Variants in SUMO2 observed in about 807,000 individuals in gnomAD.
SUMO2 encodes the protein small ubiquitin like modifier 2, also known as small ubiquitin-related modifier 2.
A neutral mutation model predicts 16.0 loss-of-function variants in SUMO2; 1 was observed. The observed-to-expected ratio is 0.06, with a 90% CI of 0.02 to 0.30. The LOEUF is 0.30. SUMO2 is among the 10% of genes least tolerant of loss of function. The pLI is 1.00. For synonymous variants in SUMO2, 36 were observed against 40.6 expected, an observed-to-expected ratio of 0.89 and a Z score of 0.43; for missense variants, 16 against 117.5, an observed-to-expected ratio of 0.14 and a Z score of 3.99.
chr17:75,175,565 C>T (rs573970929), intron 2 of SUMO2, among the ~76,000 whole-genome samples: 1 of 151,622 alleles, frequency 6.6e-6, no homozygotes, highest in South Asian at 2.1e-4. Context: ...GATGATCTGA[C>T]CACCTCAGCC....
intron 3 of SUMO2, among the ~76,000 whole-genome samples, chr17:75,171,696 G>A (rs771451671): frequency 6.6e-6 from 1 of 152,022 alleles, no homozygotes; most frequent in Non-Finnish European, 1.5e-5. Context: ...AATGCCTCAA[G>A]GTCACGGATC....
chr17:75,172,968 A>G (rs2074753675), intron 3 of SUMO2, among the ~76,000 whole-genome samples: 5 of 152,152 alleles, frequency 3.3e-5, no homozygotes, highest in Admixed American at 2.0e-4. Flanking sequence ...TCTTCAAAAT[A>G]TTCTTCTTTT....
In SUMO2 at chr17:75,167,642, C is replaced by T. The variant is rs2074702900; in HGVS notation, c.*697G>A. On this transcript the variant is annotated 3_prime_UTR_variant, in exon 4 of 4. Coordinates refer to ENST00000420826, the MANE Select transcript of SUMO2 (RefSeq NM_006937.4). ...AAACACCAAGTAGCTTTATTTCCTT[C>T]TTGAAATGTTACTTCTAAGCAGGCC... 1 of 152,340 alleles carries T rather than the reference C, an allele frequency of 6.6e-6. No homozygotes were observed. The highest frequency in any genetic ancestry group is 2.4e-5 in the African/African-American group (1 of 41,436). 9.4% of individuals were successfully genotyped at this position (152,340 alleles called of 1,614,324 possible). A position where few individuals can be genotyped will look rare whatever the true frequency, so the allele number is the denominator to read the frequency against.
rs140644374 is a variant in SUMO2 at position 75,172,325 on chromosome 17, C to CTTCTTT, written c.225+2426_225+2427insAAAGAA. On this transcript the variant is annotated intron_variant, in intron 3 of 3. Transcript: ENST00000420826. The stretch of plus-strand genomic sequence containing the variant: ...ACAGTCGTGAGCTACTGTACCCAGA[C>CTTCTTT]TTTTTTTTTTTTTTTTTTGAGACAG... Among the ~76,000 whole-genome samples, 67 of 109,386 alleles carry CTTCTTT rather than the reference C, an allele frequency of 6.1e-4. 3 individuals are homozygous for CTTCTTT. The highest frequency in any genetic ancestry group is 1.3e-3 in the African/African-American group (34 of 26,508). The allele number at this position is 109,386 out of a possible 152,430, so 71.8% of individuals were successfully genotyped here. A position where few individuals can be genotyped will look rare whatever the true frequency, so the allele number is the denominator to read the frequency against.
chr17:75,180,993 C>T, intron 2 of SUMO2, 64 bp downstream of exon 2: 1 of 1,591,950 alleles, frequency 6.3e-7, no homozygotes, highest in Non-Finnish European at 8.6e-7. Flanking sequence ...AGTTTTTGTT[C>T]CCATGAAAAT....
rs754920378 is a variant in SUMO2, at chr17:75,182,799, C to G, written c.21+15G>C. 172 of 1,377,708 alleles carry G rather than the reference C, an allele frequency of 1.2e-4. No individual in the cohort carries two copies. The highest frequency in any genetic ancestry group is 1.6e-4 in the Non-Finnish European group (165 of 1,057,882). The allele number at this position is 1,377,708 out of a possible 1,614,324, so 85.3% of individuals were successfully genotyped here. A position where few individuals can be genotyped will look rare whatever the true frequency, so the allele number is the denominator to read the frequency against. On this transcript the variant is annotated intron_variant, in intron 1 of 3. Coordinates refer to ENST00000420826, the MANE Select transcript of SUMO2 (RefSeq NM_006937.4). ...CCACCGCGCGGCGAGGCGAAGGGGC[C>G]GGCGGCGAGCTCACCTTGGGCTTTT... is the stretch of plus-strand genomic sequence containing the variant.
At chr17:75,169,230 T>C (rs1230523056) in intron 3 of SUMO2, among the ~76,000 whole-genome samples, 1 of 151,738 alleles carries the variant, frequency 6.6e-6, no homozygotes, top group Non-Finnish European at 1.5e-5. Context: ...AAAGATCCTG[T>C]ATCAAAAAAA....
At chr17:75,181,296 T>C in intron 1 of SUMO2, 108 bp from the exon 2 acceptor site, 1 of 1,193,774 alleles carries the variant, frequency 8.4e-7, no homozygotes, top group Non-Finnish European at 1.2e-6. Context: ...TTTCTCATAC[T>C]GTATGCTAAA....
intron 3 of SUMO2, among the ~76,000 whole-genome samples, chr17:75,170,555 C>A (rs2145216676): frequency 6.7e-6 from 1 of 148,370 alleles, no homozygotes; most frequent in South Asian, 2.2e-4. Flanking sequence ...GGCAACAGAG[C>A]AAGACTCTGT....
At position 75,169,869 on chromosome 17, in the gene SUMO2, G is replaced by T. The variant is rs568851677; in HGVS notation, c.226-1468C>A. Reference sequence around the variant, plus strand: ...GTCTCAAAAAAAAAAAAAAAGGTGGGGGGGGGCGGGTGTGGCAGCTCACAC... The same window carrying T: ...GTCTCAAAAAAAAAAAAAAAGGTGGTGGGGGGCGGGTGTGGCAGCTCACAC... On this transcript the variant is annotated intron_variant, in intron 3 of 3. Coordinates refer to ENST00000420826, the MANE Select transcript of SUMO2 (RefSeq NM_006937.4). Among the ~76,000 whole-genome samples, 20 of 149,026 alleles carry T rather than the reference G, an allele frequency of 1.3e-4. 1 individual carries two copies. In the South Asian group the frequency reaches 4.1e-3, roughly 31 times the overall value.
intron 1 of SUMO2, chr17:75,182,381 C>A (rs2074835839): frequency 6.5e-6 from 1 of 154,352 alleles, no homozygotes; most frequent in African/African-American, 2.4e-5. Context: ...GCGGTTCCTA[C>A]CCGAGAGGTG....
In SUMO2 at chr17:75,180,392, TAAAAAA is replaced by T. The variant is rs58684188; in HGVS notation, c.153+659_153+664del. ...AAGAAATAGAGTGAGACTCCCAGCT[TAAAAAA>T]AAAAAAAAAAAAAAAAAAAAAAACG... On this transcript the variant is annotated intron_variant, in intron 2 of 3. Coordinates refer to ENST00000420826, the MANE Select transcript of SUMO2 (RefSeq NM_006937.4). Among the ~76,000 whole-genome samples the T allele has an allele frequency of 2.4e-3, 107 of 44,868 alleles. 1 individual carries two copies. Among genetic ancestry groups the T allele is most frequent in the African/African-American group, 5.2e-3 (64 of 12,218 alleles). The allele number at this position is 44,868 out of a possible 152,430, so 29.4% of individuals were successfully genotyped here.
chr17:75,181,016 AAT>A, intron 2 of SUMO2, 39 bp downstream of exon 2: 1 of 1,606,052 alleles, frequency 6.2e-7, no homozygotes, highest in Non-Finnish European at 8.5e-7. Flanking sequence ...GATTTTTAAA[AAT>A]AGTTTTATTC....
chr17:75,176,775 A>C (rs552620888), intron 2 of SUMO2, among the ~76,000 whole-genome samples: 46 of 152,264 alleles, frequency 3.0e-4, no homozygotes, highest in Middle Eastern at 3.4e-3. Context: ...ACTTCAGGAG[A>C]TATAGGAACC....
At chr17:75,181,281 A>G in intron 1 of SUMO2, 93 bp from the exon 2 acceptor site, 1 of 1,347,178 alleles carries the variant, frequency 7.4e-7, no homozygotes, top group Non-Finnish European at 1.0e-6. Context: ...TCAAAAATCA[A>G]CAGGTTTCTC....
chr17:75,179,958 T>C (rs2074814142), intron 2 of SUMO2, among the ~76,000 whole-genome samples: 1 of 152,192 alleles, frequency 6.6e-6, no homozygotes, highest in Non-Finnish European at 1.5e-5. Context: ...AGGAAGTTTT[T>C]ATCTTCACTG....
At chr17:75,168,486 T>C (rs2074710344) in intron 3 of SUMO2, 85 bp from the exon 4 acceptor site, 1 of 1,170,294 alleles carries the variant, frequency 8.5e-7, no homozygotes, top group South Asian at 1.4e-5. Context: ...GCTGAAAACA[T>C]GTACATGTTC....
At chr17:75,170,493 C>T (rs986878672) in intron 3 of SUMO2, among the ~76,000 whole-genome samples, 2 of 152,084 alleles carry the variant, frequency 1.3e-5, no homozygotes, top group African/African-American at 4.8e-5. Context: ...TCACTTGAAC[C>T]CGTGAAGTGG....
At chr17:75,182,604 G>T (rs2074838197) in intron 1 of SUMO2, 2 of 334,378 alleles carry the variant, frequency 6.0e-6, no homozygotes, top group Non-Finnish European at 1.0e-5. Context: ...GCCGCCGGGG[G>T]CGGGAGAGAG....
Sources: gnomAD v4.1 joint callset for allele counts (sites outside exome capture counted in the v4.1 genomes callset) on GRCh38, gnomAD v4.1.1 for gene constraint, MANE v1.5 for transcripts, NCBI Gene and HGNC (gene_info 2026-07-23, HGNC 2026-07-21) for gene names.